Variants in MGAT4C observed in about 807,000 individuals in gnomAD.
The protein encoded by MGAT4C is alpha-1,3-mannosyl-glycoprotein 4-beta-N-acetylglucosaminyltransferase C.
A neutral mutation model predicts 40.1 loss-of-function variants in MGAT4C; 19 were observed. The observed-to-expected ratio is 0.47, with a 90% CI of 0.33 to 0.70. MGAT4C has a LOEUF of 0.70. Among genes scored for constraint, MGAT4C ranks in the 30% least tolerant of loss-of-function variants. The pLI, the probability that MGAT4C is intolerant of heterozygous loss-of-function variation, is 0.02. For synonymous variants in MGAT4C, 181 were observed against 187.1 expected (o/e 0.97, Z 0.27); for missense variants, 491 against 563.2 (o/e 0.87, Z 1.30).
chr12:86,540,094 C>T (rs1205930058), intron 2 of MGAT4C, among the ~76,000 whole-genome samples: 1 of 152,150 alleles, frequency 6.6e-6, no homozygotes, highest in African/African-American at 2.4e-5. Flanking sequence ...GAAGTCCTTG[C>T]CCATGCCTAT....
At chr12:86,651,046 G>A (rs891228733) in intron 2 of MGAT4C, among the ~76,000 whole-genome samples, 4 of 151,930 alleles carry the variant, frequency 2.6e-5, no homozygotes, top group African/African-American at 9.7e-5. Flanking sequence ...CTCAGTAGGT[G>A]AGCAAGTCTT....
intron 1 of MGAT4C, among the ~76,000 whole-genome samples, chr12:86,108,101 A>G (rs1243076495): frequency 2.0e-5 from 3 of 152,070 alleles, no homozygotes; most frequent in Non-Finnish European, 2.9e-5. Context: ...AATAAAATCT[A>G]AGCCCTCCTA....
At chr12:86,079,925 C>A (rs1223781261) in intron 1 of MGAT4C, among the ~76,000 whole-genome samples, 1 of 151,996 alleles carries the variant, frequency 6.6e-6, no homozygotes, top group Non-Finnish European at 1.5e-5. Flanking sequence ...ATGATTAACT[C>A]ATTTAGCTAG....
chr12:86,706,244 A>G (rs1950455071), intron 2 of MGAT4C, among the ~76,000 whole-genome samples: 1 of 152,166 alleles, frequency 6.6e-6, no homozygotes, highest in Non-Finnish European at 1.5e-5. Context: ...TTAAAATATG[A>G]TTTTATTGCA....
chr12:86,278,965 A>G (rs962422732), intron 4 of MGAT4C, among the ~76,000 whole-genome samples: 1 of 30,540 alleles, frequency 3.3e-5, no homozygotes, highest in Non-Finnish European at 9.5e-5. Context: ...AGTTGATATG[A>G]TGTCTCACAT....
chr12:86,748,628 A>T (rs1413679889), intron 1 of MGAT4C, among the ~76,000 whole-genome samples: 1 of 151,576 alleles, frequency 6.6e-6, no homozygotes, highest in Non-Finnish European at 1.5e-5. Context: ...CAGGGTCAGA[A>T]ATACAGAGTG....
intron 3 of MGAT4C, among the ~76,000 whole-genome samples, chr12:86,381,861 C>T (rs553634537): frequency 2.2e-4 from 33 of 152,196 alleles, no homozygotes; most frequent in Non-Finnish European, 4.9e-4. Context: ...CTCATGAGAT[C>T]TGATAGGTTT....
chr12:86,765,690 G>A (rs931455978), intron 1 of MGAT4C, among the ~76,000 whole-genome samples: 3 of 152,212 alleles, frequency 2.0e-5, no homozygotes, highest in Admixed American at 6.5e-5. Context: ...CTACAAGCCA[G>A]AAGAGAGTGG....
At chr12:86,212,220 C>T (rs1950500964) in intron 1 of MGAT4C, among the ~76,000 whole-genome samples, 2 of 152,084 alleles carry the variant, frequency 1.3e-5, no homozygotes, top group Non-Finnish European at 2.9e-5. Flanking sequence ...AAATAGCATC[C>T]CGCCAAATTA....
At chr12:86,480,275 T>C (rs993453763) in intron 2 of MGAT4C, among the ~76,000 whole-genome samples, 10 of 151,640 alleles carry the variant, frequency 6.6e-5, no homozygotes, top group Admixed American at 4.0e-4. Flanking sequence ...GGAAACAAAA[T>C]GAAACAAGAG....
At chr12:86,074,167 G>A (rs1869180199) in intron 1 of MGAT4C, among the ~76,000 whole-genome samples, 1 of 152,056 alleles carries the variant, frequency 6.6e-6, no homozygotes, top group Non-Finnish European at 1.5e-5. Context: ...CACCATGTAA[G>A]AAGTGCCTTT....
intron 2 of MGAT4C, among the ~76,000 whole-genome samples, chr12:86,596,868 T>A (rs532763257): frequency 6.6e-6 from 1 of 152,116 alleles, no homozygotes; most frequent in South Asian, 2.1e-4. Context: ...ACTGAACAGA[T>A]CCCCTTGTGG....
chr12:86,266,122 C>A lies in MGAT4C; in HGVS notation c.-57+67943G>T, dbSNP rs185405819. ...ACTTGCTCTTTTCGAGTTTGTATAC[C>A]TTTTATTTCTTTCTCTTGCCTTGTT... On this transcript the variant is annotated intron_variant, in intron 4 of 7. Coordinates refer to the MGAT4C transcript ENST00000548651. 2.3e-3 allele frequency among the ~76,000 whole-genome samples: 350 copies of A among 151,958 alleles called. 2 individuals carry two copies. The highest frequency in any genetic ancestry group is 8.3e-3 in the African/African-American group (343 of 41,464).
intron 2 of MGAT4C, among the ~76,000 whole-genome samples, chr12:86,501,263 T>G (rs934407544): frequency 2.0e-5 from 3 of 152,086 alleles, no homozygotes; most frequent in African/African-American, 7.2e-5. Context: ...CAAAGGAAAT[T>G]ATCTTCATTA....
intron 3 of MGAT4C, among the ~76,000 whole-genome samples, chr12:86,346,476 C>T (rs990259790): frequency 6.6e-6 from 1 of 152,136 alleles, no homozygotes. Context: ...CTGCCCACCT[C>T]GGCCTCCCAA....
At chr12:86,533,545 T>C (rs1383625275) in intron 2 of MGAT4C, among the ~76,000 whole-genome samples, 1 of 151,956 alleles carries the variant, frequency 6.6e-6, no homozygotes, top group Non-Finnish European at 1.5e-5. Context: ...ATGTACTAGA[T>C]AGGCATTTAT....
rs145824781 is a variant in MGAT4C at position 85,993,486 on chromosome 12, T to C, written c.-6-3934A>G. 7.3e-3 allele frequency among the ~76,000 whole-genome samples: 1,119 copies of C among 152,294 alleles called. 9 individuals carry two copies. The highest frequency in any genetic ancestry group is 0.011 in the Non-Finnish European group (756 of 68,008). On this transcript the variant is annotated intron_variant, in intron 2 of 4. Transcript: ENST00000611864. ...CCAGCCTCTCAACTGCACTGAGCTA[T>C]CCATGGTAGACCAGGGATTGGATGG...
At chr12:86,412,803 C>T (rs1017478408) in intron 3 of MGAT4C, among the ~76,000 whole-genome samples, 1 of 151,952 alleles carries the variant, frequency 6.6e-6, no homozygotes, top group African/African-American at 2.4e-5. Context: ...TATTTGTGTC[C>T]CTACCCAAAT....
intron 2 of MGAT4C, among the ~76,000 whole-genome samples, chr12:86,603,382 CTATACTA>C (rs1199218012): frequency 8.1e-6 from 1 of 123,522 alleles, no homozygotes; most frequent in Non-Finnish European, 1.6e-5. Context: ...ACTATATATA[CTATACTA>C]TATAATATAT....
Sources: allele counts gnomAD v4.1 joint callset (sites outside exome capture counted in the v4.1 genomes callset), GRCh38; gene constraint gnomAD v4.1.1; transcripts MANE v1.5; gene names NCBI Gene and HGNC (gene_info 2026-07-23, HGNC 2026-07-21).